The following GRM7 variants were observed in gnomAD, a reference collection of about 807,000 sequenced individuals.
GRM7 encodes the protein metabotropic glutamate receptor 7.
In GRM7, 35 loss-of-function variants were observed where a neutral mutation model predicts 84.5. That is an observed-to-expected ratio of 0.41 (90% confidence interval 0.32 to 0.55). The LOEUF (loss-of-function observed/expected upper bound fraction) is 0.55. Among genes scored for constraint, GRM7 ranks in the 20% least tolerant of loss-of-function variants. The probability of loss-of-function intolerance (pLI) is 0.19; values close to 1 mark genes in which losing one functional copy is unlikely to be tolerated. For synonymous variants in GRM7, 487 were observed against 455.1 expected (o/e 1.07, Z -0.89); for missense variants, 1,003 against 1,194.6 (o/e 0.84, Z 2.36).
intron 9 of GRM7, among the ~76,000 whole-genome samples, chr3:7,704,547 G>A (rs1218275133): frequency 6.6e-6 from 1 of 152,072 alleles, no homozygotes; most frequent in Non-Finnish European, 1.5e-5. Flanking sequence ...TTGATAATAT[G>A]AATTAATTTT....
chr3:7,067,925 C>A (rs893782717), intron 1 of GRM7, among the ~76,000 whole-genome samples: 1 of 151,948 alleles, frequency 6.6e-6, no homozygotes, highest in Non-Finnish European at 1.5e-5. Context: ...TTCATGCATT[C>A]TCTTTCAATT....
intron 8 of GRM7, among the ~76,000 whole-genome samples, chr3:7,596,517 A>G (rs1696052690): frequency 6.6e-6 from 1 of 152,222 alleles, no homozygotes; most frequent in Admixed American, 6.5e-5. Context: ...AAGAGGAAGT[A>G]GCAAAGGAGC....
chr3:7,040,763 C>T (rs1400003822), intron 1 of GRM7, among the ~76,000 whole-genome samples: 4 of 151,914 alleles, frequency 2.6e-5, no homozygotes, highest in Non-Finnish European at 5.9e-5. Context: ...ACTCCAAGTT[C>T]CTGACTCAGA....
intron 1 of GRM7, among the ~76,000 whole-genome samples, chr3:7,013,632 A>G (rs1695461569): frequency 6.6e-6 from 1 of 152,120 alleles, no homozygotes; most frequent in Non-Finnish European, 1.5e-5. Flanking sequence ...TAAGATCCAA[A>G]TAAACTAGCG....
intron 7 of GRM7, among the ~76,000 whole-genome samples, chr3:7,550,054 T>C (rs189982717): frequency 9.5e-4 from 144 of 152,178 alleles, no homozygotes; most frequent in African/African-American, 3.4e-3. Flanking sequence ...TCCCCCTCTT[T>C]ACATAAAGTA....
intron 2 of GRM7, among the ~76,000 whole-genome samples, chr3:7,176,375 C>G (rs1695151512): frequency 6.6e-6 from 1 of 151,506 alleles, no homozygotes; most frequent in East Asian, 1.9e-4. Flanking sequence ...GGTGATAGTG[C>G]CACTTCACTC....
intron 1 of GRM7, among the ~76,000 whole-genome samples, chr3:6,886,549 C>T (rs79601483): frequency 0.011 from 1,619 of 152,116 alleles, 30 homozygotes; most frequent in African/African-American, 0.037. Context: ...GGGTTGGAAT[C>T]TCACTTCCAT....
chr3:7,697,735 G>A (rs539036746), intron 9 of GRM7, among the ~76,000 whole-genome samples: 2 of 152,250 alleles, frequency 1.3e-5, no homozygotes, highest in South Asian at 4.1e-4. Context: ...GCAGTTCATG[G>A]TGCATATCTC....
intron 8 of GRM7, among the ~76,000 whole-genome samples, chr3:7,600,144 A>T (rs1203968437): frequency 6.6e-6 from 1 of 152,072 alleles, no homozygotes; most frequent in East Asian, 1.9e-4. Flanking sequence ...CAGAGGCACC[A>T]TGATTTTTAT....
At position 7,698,711 on chromosome 3, in the gene GRM7, T is replaced by C. The variant is rs181671753; in HGVS notation, c.2698+18416T>C. On this transcript the variant is annotated intron_variant, in intron 9 of 9. Coordinates refer to ENST00000357716, the MANE Select transcript of GRM7 (RefSeq NM_000844.4). ...CATCTGAGGATGTTTAGCAACATCT[T>C]TGACTTCCACCCCAATGCTGACCAT... is the stretch of plus-strand genomic sequence containing the variant. Among the ~76,000 whole-genome samples, 57 of 152,290 alleles carry C rather than the reference T, an allele frequency of 3.7e-4. No individual in the cohort carries two copies. The East Asian group carries it at 9.8e-3, about 26-fold the overall frequency.
rs183817167 is a variant in GRM7, at chr3:7,518,393, C to T, written c.1515+56671C>T. Among the ~76,000 whole-genome samples the T allele has an allele frequency of 1.2e-4, 18 of 152,310 alleles. No homozygotes were observed. The East Asian group carries it at 3.5e-3, about 29-fold the overall frequency. ...CACAGAATAAGCTTTCTCATTCTGTCTGCCATGACACCTTATTTAATTCAG... is the reference window on the plus strand; with the variant it reads ...CACAGAATAAGCTTTCTCATTCTGTTTGCCATGACACCTTATTTAATTCAG... On this transcript the variant is annotated intron_variant, in intron 7 of 9. Coordinates refer to ENST00000357716, the MANE Select transcript of GRM7 (RefSeq NM_000844.4).
At chr3:7,674,739 C>G (rs903252988) in intron 8 of GRM7, among the ~76,000 whole-genome samples, 1 of 152,172 alleles carries the variant, frequency 6.6e-6, no homozygotes, top group African/African-American at 2.4e-5. Context: ...TTTCTGATGG[C>G]GGGAAGCATG....
intron 3 of GRM7, among the ~76,000 whole-genome samples, chr3:7,305,609 G>T (rs1203839899): frequency 1.1e-4 from 5 of 44,132 alleles, no homozygotes; most frequent in African/African-American, 1.4e-4. Context: ...TTGGTTTTTT[G>T]TTCTTGCGAT....
At chr3:7,520,466 A>C (rs926952771) in intron 7 of GRM7, among the ~76,000 whole-genome samples, 2 of 151,758 alleles carry the variant, frequency 1.3e-5, no homozygotes, top group Admixed American at 6.6e-5. Flanking sequence ...TATATTCTGG[A>C]TTCTTTATGT....
At position 7,374,368 on chromosome 3, in the gene GRM7, C is replaced by T. The variant is rs190589900; in HGVS notation, c.1034-40655C>T. Among the ~76,000 whole-genome samples the T allele has an allele frequency of 1.5e-3, 229 of 152,062 alleles. 1 individual carries two copies. Among genetic ancestry groups the T allele is most frequent in the Middle Eastern group, 6.8e-3 (2 of 294 alleles). ...CTAATATTAATATTTTTATTGAGGC[C>T]ACACCTCGCTTTGTTGCCCAGGCTG... On this transcript the variant is annotated intron_variant, in intron 4 of 9. Transcript: ENST00000357716.
intron 9 of GRM7, chr3:7,694,418 T>C (rs1700938332): frequency 2.1e-6 from 2 of 960,406 alleles, no homozygotes; most frequent in Non-Finnish European, 2.5e-6. Flanking sequence ...CTTGTACCCA[T>C]TGTCATCCTG....
chr3:7,408,772 A>T (rs73810620), intron 4 of GRM7, among the ~76,000 whole-genome samples: 7 of 152,204 alleles, frequency 4.6e-5, no homozygotes, highest in Admixed American at 4.6e-4. Context: ...CAGGACAGCT[A>T]GTTCCTACAA....
intron 1 of GRM7, among the ~76,000 whole-genome samples, chr3:7,010,026 A>G (rs1005204451): frequency 1.3e-5 from 2 of 152,200 alleles, no homozygotes; most frequent in African/African-American, 4.8e-5. Context: ...ATACCTTCAA[A>G]ATCAGACCTG....
intron 2 of GRM7, among the ~76,000 whole-genome samples, chr3:7,247,911 A>G (rs1266009982): frequency 6.6e-6 from 1 of 152,154 alleles, no homozygotes; most frequent in Middle Eastern, 3.2e-3. Flanking sequence ...CATTATACTC[A>G]CTAGAATGGC....
Sources: allele counts gnomAD v4.1 joint callset (sites outside exome capture counted in the v4.1 genomes callset), GRCh38; gene constraint gnomAD v4.1.1; transcripts MANE v1.5; gene names NCBI Gene and HGNC (gene_info 2026-07-23, HGNC 2026-07-21).